The following ADCY5 variants were observed in gnomAD, a reference collection of about 807,000 sequenced individuals.
The protein encoded by ADCY5 is adenylate cyclase 5.
Under a neutral mutation model 119.7 loss-of-function variants are expected in ADCY5, and 30 were observed. The ratio of observed to expected loss-of-function variants is 0.25; its 90% CI spans 0.19 to 0.34. The LOEUF is 0.34. Ranked by LOEUF, ADCY5 falls within the 10% of genes least tolerant of loss-of-function variation. The pLI, the probability that ADCY5 is intolerant of heterozygous loss-of-function variation, is 1.00. For missense variants in ADCY5, 1,324 were observed against 1,775.2 expected, an observed-to-expected ratio of 0.75 and a Z score of 4.57; for synonymous variants, 753 against 762.2, an observed-to-expected ratio of 0.99 and a Z score of 0.20.
intron 1 of ADCY5, among the ~76,000 whole-genome samples, chr3:123,427,403 C>A (rs1158151558): frequency 6.6e-6 from 1 of 152,220 alleles, no homozygotes; most frequent in Non-Finnish European, 1.5e-5. Flanking sequence ...TACCAGCCAG[C>A]CTCGCCTTTC....
chr3:123,382,643 T>A (rs1944068713), intron 1 of ADCY5, among the ~76,000 whole-genome samples: 1 of 152,156 alleles, frequency 6.6e-6, no homozygotes, highest in African/African-American at 2.4e-5. Context: ...CTCAAAAACA[T>A]TATGCTAAGT....
chr3:123,332,728 T>C, intron 3 of ADCY5, 53 bp from the exon 4 acceptor site: 1 of 1,201,052 alleles, frequency 8.3e-7, no homozygotes, highest in Middle Eastern at 1.9e-4. Context: ...TCTTTGTGTC[T>C]CCCAAATTCA....
intron 1 of ADCY5, among the ~76,000 whole-genome samples, chr3:123,373,507 C>T (rs1010124435): frequency 6.6e-5 from 10 of 152,204 alleles, no homozygotes; most frequent in South Asian, 2.1e-4. Context: ...CAGATTCTCA[C>T]GCCCCCATCC....
chr3:123,322,615 TG>T, intron 8 of ADCY5, among the ~76,000 whole-genome samples: 1 of 152,212 alleles, frequency 6.6e-6, no homozygotes, highest in East Asian at 1.9e-4. Context: ...AGCGGCTACT[TG>T]GCCTCTCCCA....
At chr3:123,336,863 C>T (rs1410867236) in intron 3 of ADCY5, among the ~76,000 whole-genome samples, 1 of 152,216 alleles carries the variant, frequency 6.6e-6, no homozygotes, top group African/African-American at 2.4e-5. Flanking sequence ...ACCATATGGT[C>T]CTGGGACCAG....
At chr3:123,290,091 C>G (rs367721508) in intron 18 of ADCY5, 137 bp from the exon 19 acceptor site, 20 of 848,634 alleles carry the variant, frequency 2.4e-5, no homozygotes, top group Non-Finnish European at 3.5e-5. Flanking sequence ...GGCCTGTCTC[C>G]ATCCTCATCA....
intron 1 of ADCY5, among the ~76,000 whole-genome samples, chr3:123,359,773 A>AC (rs1232619008): frequency 5.3e-5 from 8 of 152,202 alleles, no homozygotes; most frequent in Admixed American, 5.2e-4. Context: ...AAAGACAGGC[A>AC]CAACTCCTTC....
Position 123,354,277 on chromosome 3 carries a change from C to T in ADCY5, c.1135-1696G>A, listed in dbSNP as rs76450666. Among the ~76,000 whole-genome samples, 1,305 of 152,316 alleles carry T rather than the reference C, an allele frequency of 8.6e-3. 16 individuals are homozygous for T. Among genetic ancestry groups the T allele is most frequent in the African/African-American group, 0.03 (1,243 of 41,566 alleles). On this transcript the variant is annotated intron_variant, in intron 1 of 20. Transcript: ENST00000462833. Reference sequence around the variant, plus strand: ...ACCAAAGAATGGCTGCTTGAGCCCACGGCTTCTGGAAGATTCATCAGAGGC... The same window carrying T: ...ACCAAAGAATGGCTGCTTGAGCCCATGGCTTCTGGAAGATTCATCAGAGGC...
chr3:123,372,068 C>T (rs569263294), intron 1 of ADCY5, among the ~76,000 whole-genome samples: 11 of 152,326 alleles, frequency 7.2e-5, no homozygotes, highest in Middle Eastern at 6.8e-3. Context: ...TGTTCCTCTG[C>T]ACTTGCTGAC....
intron 1 of ADCY5, among the ~76,000 whole-genome samples, chr3:123,383,746 C>T (rs931792304): frequency 1.2e-4 from 18 of 152,232 alleles, no homozygotes; most frequent in Non-Finnish European, 2.5e-4. Flanking sequence ...GGAAAATGTA[C>T]ACAAGCCCAT....
rs554740356 is a variant in ADCY5, at chr3:123,383,958, G to A, written c.1135-31377C>T. On this transcript the variant is annotated intron_variant, in intron 1 of 20. Transcript: ENST00000462833. The stretch of plus-strand genomic sequence containing the variant: ...ACACACACACCCTTCTGCAAGGCAC[G>A]TGCGCGCGCGCACACACACACACAA... Among the ~76,000 whole-genome samples the A allele has an allele frequency of 1.5e-3, 165 of 112,680 alleles. 1 individual carries two copies. The highest frequency in any genetic ancestry group is 6.3e-3 in the African/African-American group (160 of 25,266). The allele number at this position is 112,680 out of a possible 152,430, so 73.9% of individuals were successfully genotyped here. A position where few individuals can be genotyped will look rare whatever the true frequency, so the allele number is the denominator to read the frequency against.
At chr3:123,337,118 T>A (rs745309428) in intron 3 of ADCY5, among the ~76,000 whole-genome samples, 12 of 152,230 alleles carry the variant, frequency 7.9e-5, no homozygotes, top group Non-Finnish European at 1.5e-4. Flanking sequence ...TCTGTCTATC[T>A]CCCTTCTCCA....
chr3:123,446,448 A>T (rs1945816753), intron 1 of ADCY5, among the ~76,000 whole-genome samples: 1 of 152,184 alleles, frequency 6.6e-6, no homozygotes, highest in African/African-American at 2.4e-5. Flanking sequence ...GCAGCATGCA[A>T]ACAAGCAGGT....
At chr3:123,347,962 G>A (rs572681877) in intron 2 of ADCY5, 59 bp from the exon 3 acceptor site, 28 of 1,605,172 alleles carry the variant, frequency 1.7e-5, no homozygotes, top group African/African-American at 9.4e-5. Context: ...GCAAGTGCTC[G>A]CTCCTCCACA....
intron 1 of ADCY5, among the ~76,000 whole-genome samples, chr3:123,413,124 A>G (rs1945098253): frequency 6.6e-6 from 1 of 152,016 alleles, no homozygotes; most frequent in African/African-American, 2.4e-5. Context: ...TCCCATTTTC[A>G]TCTTGGAAAC....
intron 14 of ADCY5, 43 bp from the exon 15 acceptor site, chr3:123,300,338 C>T (rs1003196415): frequency 1.4e-5 from 22 of 1,595,152 alleles, no homozygotes; most frequent in East Asian, 2.3e-5. Context: ...AGGCCCTGCC[C>T]GACCCCGGGC....
At chr3:123,325,521 C>T (rs897563022) in intron 7 of ADCY5, 59 bp from the exon 8 acceptor site, 6 of 1,605,062 alleles carry the variant, frequency 3.7e-6, no homozygotes, top group Non-Finnish European at 5.1e-6. Context: ...GGCTCCTCAC[C>T]CTTCCCCAAA....
chr3:123,382,570 A>G (rs1002439508), intron 1 of ADCY5, among the ~76,000 whole-genome samples: 2 of 152,218 alleles, frequency 1.3e-5, no homozygotes, highest in African/African-American at 4.8e-5. Flanking sequence ...TCTATACACA[A>G]TGGAACATTA....
intron 1 of ADCY5, among the ~76,000 whole-genome samples, chr3:123,384,516 GC>G (rs950028330): frequency 1.3e-5 from 2 of 152,178 alleles, no homozygotes; most frequent in Non-Finnish European, 2.9e-5. Flanking sequence ...ATTACCTCGG[GC>G]TCTTGCCCAG....
Sources: gnomAD v4.1 joint callset for allele counts (sites outside exome capture counted in the v4.1 genomes callset) on GRCh38, gnomAD v4.1.1 for gene constraint, MANE v1.5 for transcripts, NCBI Gene and HGNC (gene_info 2026-07-23, HGNC 2026-07-21) for gene names.